The following GRID2 variants were observed in gnomAD, a reference collection of about 807,000 sequenced individuals.
GRID2 encodes the protein glutamate receptor ionotropic, delta-2.
A neutral mutation model predicts 114.8 loss-of-function variants in GRID2; 33 were observed. That is an observed-to-expected ratio of 0.29 (90% CI 0.22 to 0.38). GRID2 has a LOEUF of 0.38. Among genes scored for constraint, GRID2 ranks in the 10% least tolerant of loss-of-function variants. The pLI is 1.00. For synonymous variants in GRID2, 505 were observed against 449.9 expected (o/e 1.12, Z -1.55); for missense variants, 1,184 against 1,257.7 (o/e 0.94, Z 0.89).
At chr4:92,806,055 T>C (rs1740394342) in intron 2 of GRID2, among the ~76,000 whole-genome samples, 1 of 151,836 alleles carries the variant, frequency 6.6e-6, no homozygotes, top group South Asian at 2.1e-4. Flanking sequence ...TCTGAAACAA[T>C]ATTTCTCTCA....
intron 2 of GRID2, among the ~76,000 whole-genome samples, chr4:93,002,105 T>C (rs1432641280): frequency 1.3e-5 from 2 of 151,742 alleles, no homozygotes; most frequent in Non-Finnish European, 3.0e-5. Context: ...ACATTGTTTT[T>C]CCCATGGTCT....
At chr4:93,210,400 G>A (rs1441907529) in intron 5 of GRID2, among the ~76,000 whole-genome samples, 1 of 152,066 alleles carries the variant, frequency 6.6e-6, no homozygotes. Context: ...GGTAGTTGCA[G>A]GTATGCAGCC....
chr4:93,102,261 C>T (rs1731775082), intron 3 of GRID2, among the ~76,000 whole-genome samples: 3 of 152,100 alleles, frequency 2.0e-5, no homozygotes, highest in African/African-American at 7.2e-5. Context: ...CAAGAAAGAC[C>T]ACTTCTTCTG....
intron 4 of GRID2, among the ~76,000 whole-genome samples, chr4:93,129,272 G>A (rs1264084355): frequency 6.6e-6 from 1 of 152,010 alleles, no homozygotes; most frequent in African/African-American, 2.4e-5. Context: ...CATGTTTGTT[G>A]TTGAAAATAA....
intron 1 of GRID2, among the ~76,000 whole-genome samples, chr4:92,375,083 G>C (rs1729291580): frequency 6.6e-6 from 1 of 152,104 alleles, no homozygotes; most frequent in Non-Finnish European, 1.5e-5. Flanking sequence ...AGTTTTAAAT[G>C]TGTATCAGGA....
intron 13 of GRID2, among the ~76,000 whole-genome samples, chr4:93,565,132 A>G (rs1012188232): frequency 6.6e-6 from 1 of 152,110 alleles, no homozygotes; most frequent in Non-Finnish European, 1.5e-5. Flanking sequence ...TATTTCATAA[A>G]TGATCTCTTA....
intron 2 of GRID2, among the ~76,000 whole-genome samples, chr4:92,652,090 G>C (rs1731962122): frequency 6.6e-6 from 1 of 152,030 alleles, no homozygotes; most frequent in South Asian, 2.1e-4. Context: ...TGAAGATGCA[G>C]TGCATGCACA....
chr4:93,003,708 C>A (rs1051383983), intron 2 of GRID2, among the ~76,000 whole-genome samples: 4 of 151,852 alleles, frequency 2.6e-5, no homozygotes, highest in African/African-American at 4.8e-5. Context: ...ACAGCTGTGT[C>A]TTTATAGAAT....
intron 8 of GRID2, among the ~76,000 whole-genome samples, chr4:93,308,230 G>A (rs547780006): frequency 6.6e-6 from 1 of 152,194 alleles, no homozygotes; most frequent in Non-Finnish European, 1.5e-5. Flanking sequence ...CGGAAGTGAT[G>A]GTTCAGTGTC....
chr4:93,782,020 A>G (rs1160337551), intron 1 of GRID2, among the ~76,000 whole-genome samples: 2 of 152,174 alleles, frequency 1.3e-5, no homozygotes, highest in African/African-American at 4.8e-5. Context: ...TTTGGATTGT[A>G]TTAAAAGTAG....
chr4:92,722,163 G>A (rs1437402351), intron 2 of GRID2, among the ~76,000 whole-genome samples: 1 of 152,154 alleles, frequency 6.6e-6, no homozygotes, highest in Non-Finnish European at 1.5e-5. Context: ...GGGGACTGGT[G>A]GATGAGTAGA....
chr4:93,679,074 T>C (rs1303990315), intron 14 of GRID2, among the ~76,000 whole-genome samples: 1 of 150,694 alleles, frequency 6.6e-6, no homozygotes, highest in Non-Finnish European at 1.5e-5. Flanking sequence ...AATAAAAGGA[T>C]GGAGGAAGAT....
intron 1 of GRID2, among the ~76,000 whole-genome samples, chr4:92,500,599 C>T (rs556014063): frequency 2.6e-5 from 4 of 152,044 alleles, no homozygotes; most frequent in Admixed American, 6.6e-5. Flanking sequence ...ATTATTTTGC[C>T]TCACCATACA....
At chr4:92,772,171 A>G (rs1738575788) in intron 2 of GRID2, among the ~76,000 whole-genome samples, 2 of 152,168 alleles carry the variant, frequency 1.3e-5, no homozygotes, top group African/African-American at 2.4e-5. Flanking sequence ...TGAATTTATC[A>G]TCTAAAACCT....
At chr4:93,364,480 T>C (rs572387332) in intron 8 of GRID2, among the ~76,000 whole-genome samples, 112 of 152,246 alleles carry the variant, frequency 7.4e-4, no homozygotes, top group African/African-American at 2.7e-3. Flanking sequence ...TGTTTTTAAA[T>C]TATATTTAGA....
chr4:92,723,305 T>C (rs966571545), intron 2 of GRID2, among the ~76,000 whole-genome samples: 1 of 152,128 alleles, frequency 6.6e-6, no homozygotes, highest in African/African-American at 2.4e-5. Flanking sequence ...AAAATTTCAA[T>C]AAATTACTTT....
chr4:93,547,103 G>T (rs1452061570), intron 13 of GRID2, among the ~76,000 whole-genome samples: 1 of 152,132 alleles, frequency 6.6e-6, no homozygotes, highest in Non-Finnish European at 1.5e-5. Context: ...TCAGCTCCTA[G>T]AGTTGATAGA....
At position 92,601,596 on chromosome 4, in the gene GRID2, G is replaced by A. The variant is rs538681925; in HGVS notation, c.244+11310G>A. On this transcript the variant is annotated intron_variant, in intron 2 of 15. Transcript: ENST00000282020. ...CAAAAAGCTAGAAAGATGTCAAATT[G>A]ACATCCTAACATCACAACTAAGAGA... 4.9e-3 allele frequency among the ~76,000 whole-genome samples: 753 copies of A among 152,154 alleles called. 1 individual carries two copies. The highest frequency in any genetic ancestry group is 0.02 in the Middle Eastern group (6 of 294).
chr4:92,941,780 A>T (rs369162598), intron 2 of GRID2, among the ~76,000 whole-genome samples: 1 of 151,936 alleles, frequency 6.6e-6, no homozygotes, highest in Non-Finnish European at 1.5e-5. Flanking sequence ...CTTTGTTCTC[A>T]TTGGTTTCAA....
Sources: allele counts gnomAD v4.1 joint callset (sites outside exome capture counted in the v4.1 genomes callset), GRCh38; gene constraint gnomAD v4.1.1; transcripts MANE v1.5; gene names NCBI Gene and HGNC (gene_info 2026-07-23, HGNC 2026-07-21).